The following NCOR2 variants were observed in gnomAD, a reference collection of about 807,000 sequenced individuals.
NCOR2 encodes CTG repeat protein 26.
NCOR2 carries 81 observed loss-of-function variants against 262.9 expected under a neutral mutation model. The ratio of observed to expected loss-of-function variants is 0.31; its 90% confidence interval spans 0.26 to 0.37. NCOR2 has a LOEUF of 0.37. NCOR2 is among the 10% of genes least tolerant of loss of function. The pLI is 1.00. For missense variants in NCOR2, 3,385 were observed against 3,621.4 expected, an observed-to-expected ratio of 0.93 and a Z score of 1.68; for synonymous variants, 1,659 against 1,559.3, an observed-to-expected ratio of 1.06 and a Z score of -1.51.
exon 32 of NCOR2, chr12:124,344,643 T>C: frequency 2.7e-6 from 4 of 1,477,844 alleles, no homozygotes; most frequent in Non-Finnish European, 3.6e-6. Context: ...CGGGCGAACC[T>C]CGTGGGAGGT....
intron 13 of NCOR2, among the ~76,000 whole-genome samples, chr12:124,410,817 C>T (rs892571260): frequency 2.0e-5 from 3 of 152,242 alleles, no homozygotes; most frequent in East Asian, 1.9e-4. Flanking sequence ...ACAGCCTTCC[C>T]GGTCATACTG....
At position 124,430,792 on chromosome 12, in the gene NCOR2, G is replaced by C. The variant is rs568668148; in HGVS notation, c.883-5C>G. 14 of 1,606,388 alleles carry C rather than the reference G, an allele frequency of 8.7e-6. No individual in the cohort carries two copies. The highest frequency in any genetic ancestry group is 1.2e-5 in the Non-Finnish European group (14 of 1,175,430). ...GCGCTGGCAGAACTTCTGCTCCTGG[G>C]AGAGCGCAGGGGGCACTGCGGAAGA... On this transcript the variant is annotated splice_region_variant and splice_polypyrimidine_tract_variant and intron_variant, in intron 8 of 46. Coordinates refer to ENST00000405201, the Ensembl canonical transcript of NCOR2.
At chr12:124,464,128 G>A (rs527661663) in intron 5 of NCOR2, among the ~76,000 whole-genome samples, 7 of 152,366 alleles carry the variant, frequency 4.6e-5, no homozygotes, top group African/African-American at 1.2e-4. Context: ...GGAGGAAAAC[G>A]GGTGTCATCC....
At chr12:124,501,661 G>A (rs1374524369) in intron 1 of NCOR2, among the ~76,000 whole-genome samples, 2 of 152,108 alleles carry the variant, frequency 1.3e-5, no homozygotes. Context: ...AAGGGCACCC[G>A]TCATATTGGA....
chr12:124,336,835 T>A lies in NCOR2; in HGVS notation c.6033A>T (p.Pro2011=), dbSNP rs759160238. The change falls in exon 38 of 47, where the codon CCA becomes CCT. Residue 2011 remains proline, a synonymous_variant. Coordinates refer to ENST00000405201, the Ensembl canonical transcript of NCOR2. ...GGTGCGGGTCCGAGGCCGAGGCAGGTGGCGCCGGCGGGTCCGGGCTGGCGT... is the reference window on the plus strand; with the variant it reads ...GGTGCGGGTCCGAGGCCGAGGCAGGAGGCGCCGGCGGGTCCGGGCTGGCGT... 90 of 1,612,536 alleles carry A rather than the reference T, an allele frequency of 5.6e-5. 1 individual carries two copies. The East Asian group carries it at 2.0e-3, about 36-fold the overall frequency.
Position 124,483,564 on chromosome 12 carries a change from A to G in NCOR2, c.411+32T>C. On this transcript the variant is annotated intron_variant, in intron 3 of 46. Coordinates refer to ENST00000405201, the Ensembl canonical transcript of NCOR2. This position sits in a 1 kb window ranked among gnomAD's most constrained non-coding sequence, Gnocchi z 6.3. ...AACCAGCAGCAGAACCTCAAGCGGG[A>G]GAGGAGCTCCCAGCTGGGGGCCCAG... 6.7e-7 allele frequency: 1 copy of G among 1,490,810 alleles called. No homozygotes were observed. Among genetic ancestry groups the G allele is most frequent in the Non-Finnish European group, 9.0e-7 (1 of 1,116,118 alleles). The allele number at this position is 1,490,810 out of a possible 1,614,324, so 92.3% of individuals were successfully genotyped here.
Position 124,330,800 on chromosome 12 carries a change from C to T in NCOR2, c.6958+45G>A, listed in dbSNP as rs367792001. The T allele has an allele frequency of 2.2e-4, 339 of 1,547,818 alleles. 1 individual carries two copies. The highest frequency in any genetic ancestry group is 2.4e-4 in the Non-Finnish European group (270 of 1,142,260). On this transcript the variant is annotated intron_variant, in intron 44 of 46. Coordinates refer to ENST00000405201, the Ensembl canonical transcript of NCOR2. Reference sequence around the variant, plus strand: ...AGCTGGAGCAGGGGTGGGGAGGGAGCGGAGGGGACCAGGGCAGCCATATAG... The same window carrying T: ...AGCTGGAGCAGGGGTGGGGAGGGAGTGGAGGGGACCAGGGCAGCCATATAG...
chr12:124,476,156 C>T (rs1186638267), intron 3 of NCOR2, among the ~76,000 whole-genome samples: 7 of 152,298 alleles, frequency 4.6e-5, no homozygotes, highest in East Asian at 1.9e-4. Flanking sequence ...ACAGCTCATG[C>T]GTCTGGCACC....
At chr12:124,332,278 C>CT (rs2035266771) in intron 43 of NCOR2, 41 bp downstream of exon 45, 1 of 1,610,778 alleles carries the variant, frequency 6.2e-7, no homozygotes, top group African/African-American at 1.3e-5. Flanking sequence ...ACCCGCCCAC[C>CT]TGTGGCCCCA....
chr12:124,341,973 C>T, exon 34 of NCOR2: 1 of 1,613,326 alleles, frequency 6.2e-7, no homozygotes, highest in Non-Finnish European at 8.5e-7. Flanking sequence ...TGCCGGTTCT[C>T]CAGCGCCGCC....
chr12:124,339,060 T>C (rs2036157895), intron 37 of NCOR2, among the ~76,000 whole-genome samples: 1 of 129,006 alleles, frequency 7.8e-6, no homozygotes, highest in South Asian at 2.8e-4. Flanking sequence ...CACCCACCCA[T>C]CCATCCATCC....
chr12:124,370,730 T>C (rs4765556), intron 20 of NCOR2, among the ~76,000 whole-genome samples: 147,089 of 152,222 alleles, frequency 0.97, 71,164 homozygotes, highest in Non-Finnish European at 0.99. Context: ...GGGTAAAAGG[T>C]GGCATTCTCA....
chr12:124,344,936 A>C, exon 32 of NCOR2: 2 of 1,552,174 alleles, frequency 1.3e-6, no homozygotes, highest in South Asian at 2.4e-5. Flanking sequence ...CCGGTGTCGT[A>C]CTTGAGCGGG....
chr12:124,560,533 TTCTACG>T (rs1289575794), intron 1 of NCOR2, among the ~76,000 whole-genome samples: 1 of 152,262 alleles, frequency 6.6e-6, no homozygotes, highest in Non-Finnish European at 1.5e-5. Flanking sequence ...AACTCTTGCT[TTCTACG>T]TTCCACAATC....
intron 7 of NCOR2, among the ~76,000 whole-genome samples, chr12:124,444,215 A>G (rs1414100163): frequency 2.6e-5 from 4 of 152,226 alleles, no homozygotes; most frequent in Non-Finnish European, 5.9e-5. Context: ...TCCGGCAAGC[A>G]TAAGGACCAC....
At chr12:124,426,712 T>A in exon 11 of NCOR2, 1 of 1,611,436 alleles carries the variant, frequency 6.2e-7, no homozygotes, top group Non-Finnish European at 8.5e-7. Flanking sequence ...CATAAGCCCG[T>A]TCATGTTGAT....
At chr12:124,546,858 G>C (rs837483) in intron 1 of NCOR2, among the ~76,000 whole-genome samples, 3 of 152,062 alleles carry the variant, frequency 2.0e-5, no homozygotes, top group Non-Finnish European at 2.9e-5. Flanking sequence ...TGTCCATCCC[G>C]GGAATCAGAT....
intron 17 of NCOR2, among the ~76,000 whole-genome samples, chr12:124,381,792 G>A (rs12369386): frequency 0.2 from 30,455 of 152,250 alleles, 3,435 homozygotes; most frequent in African/African-American, 0.27. Context: ...CAGAGACTGA[G>A]GAACGTGGAA....
rs113272359 is a variant in NCOR2, at chr12:124,454,528, C to T, written c.762+2578G>A. Reference sequence around the variant, plus strand: ...CAGGGGCTTCCTCGCCTGTGTTCCTCGGGCCCTAAGACACAGGCCCTTTCC... The same window carrying T: ...CAGGGGCTTCCTCGCCTGTGTTCCTTGGGCCCTAAGACACAGGCCCTTTCC... On this transcript the variant is annotated intron_variant, in intron 6 of 46. Coordinates refer to ENST00000405201, the Ensembl canonical transcript of NCOR2. This position sits in a 1 kb window ranked among gnomAD's most constrained non-coding sequence, Gnocchi z 5.6. Among the ~76,000 whole-genome samples the T allele has an allele frequency of 1.3e-5, 2 of 152,158 alleles. No homozygotes were observed. Among genetic ancestry groups the T allele is most frequent in the Non-Finnish European group, 2.9e-5 (2 of 68,026 alleles).
Sources: allele counts gnomAD v4.1 joint callset (sites outside exome capture counted in the v4.1 genomes callset), GRCh38; gene constraint gnomAD v4.1.1; non-coding constraint Gnocchi (gnomAD v3.1); transcripts MANE v1.5; gene names NCBI Gene and HGNC (gene_info 2026-07-23, HGNC 2026-07-21).